The following CUEDC1 variants were observed in gnomAD, a reference collection of about 807,000 sequenced individuals.
The protein encoded by CUEDC1 is CUE domain-containing protein 1.
CUEDC1 carries 30 observed loss-of-function variants against 43.7 expected under a neutral mutation model. The ratio of observed to expected loss-of-function variants is 0.69; its 90% CI spans 0.51 to 0.93. CUEDC1 has a LOEUF of 0.93. Among genes scored for constraint, CUEDC1 ranks in the 40% least tolerant of loss-of-function variants. The probability of loss-of-function intolerance (pLI) is 0.00; values close to 1 mark genes in which losing one functional copy is unlikely to be tolerated. For missense variants in CUEDC1, 486 were observed against 549.0 expected, an observed-to-expected ratio of 0.89 and a Z score of 1.15; for synonymous variants, 223 against 223.6, an observed-to-expected ratio of 1.00 and a Z score of 0.02.
chr17:57,936,944 C>G (rs980118730), intron 1 of CUEDC1, among the ~76,000 whole-genome samples: 2 of 152,058 alleles, frequency 1.3e-5, no homozygotes, highest in Non-Finnish European at 2.9e-5. Context: ...CCTCAGCCTC[C>G]CAAGTAGCTG....
At chr17:57,943,680 C>T (rs1392953883) in intron 1 of CUEDC1, among the ~76,000 whole-genome samples, 1 of 152,120 alleles carries the variant, frequency 6.6e-6, no homozygotes, top group African/African-American at 2.4e-5. Flanking sequence ...CTTAAATCCA[C>T]ATACATGCAA....
chr17:57,866,147 G>A (rs1214114797), intron 10 of CUEDC1, among the ~76,000 whole-genome samples: 1 of 152,170 alleles, frequency 6.6e-6, no homozygotes, highest in Non-Finnish European at 1.5e-5. Flanking sequence ...CATCCTCTCA[G>A]TGTGCTACGT....
intron 1 of CUEDC1, among the ~76,000 whole-genome samples, chr17:57,896,364 A>G (rs1431859197): frequency 6.6e-6 from 1 of 152,166 alleles, no homozygotes; most frequent in Non-Finnish European, 1.5e-5. Context: ...CTCTCTCTAT[A>G]TAATGCTATT....
chr17:57,891,918 A>G (rs899164712), intron 1 of CUEDC1, among the ~76,000 whole-genome samples: 4 of 152,216 alleles, frequency 2.6e-5, no homozygotes, highest in African/African-American at 9.7e-5. Context: ...TGTCACTGAT[A>G]TCTTCTCCAC....
chr17:57,874,621 T>A (rs888631708), intron 3 of CUEDC1, among the ~76,000 whole-genome samples: 1 of 152,112 alleles, frequency 6.6e-6, no homozygotes, highest in African/African-American at 2.4e-5. Flanking sequence ...CACAGCTCCA[T>A]GGCAGCCTGC....
intron 3 of CUEDC1, among the ~76,000 whole-genome samples, chr17:57,878,398 C>G (rs904691836): frequency 1.6e-4 from 24 of 152,144 alleles, no homozygotes; most frequent in African/African-American, 4.6e-4. Context: ...ATGCTAGCTA[C>G]ACTTGTATGA....
chr17:57,939,999 A>T (rs922954546), intron 1 of CUEDC1, among the ~76,000 whole-genome samples: 1 of 151,200 alleles, frequency 6.6e-6, no homozygotes, highest in Non-Finnish European at 1.5e-5. Flanking sequence ...CAATTCCCCT[A>T]TGGCTTCAAA....
intron 9 of CUEDC1, chr17:57,866,793 T>C: frequency 2.0e-6 from 1 of 510,804 alleles, no homozygotes; most frequent in Non-Finnish European, 3.5e-6. Flanking sequence ...GGGCCTCAAA[T>C]TTCCTCATCT....
chr17:57,879,691 T>TG lies in CUEDC1; in HGVS notation c.383dup (p.Pro129ThrfsTer56), dbSNP rs1419505681. 1 of 1,601,434 alleles carries TG rather than the reference T, an allele frequency of 6.2e-7. No homozygotes were observed. The highest frequency in any genetic ancestry group is 1.7e-5 in the Admixed American group (1 of 57,704). On this transcript the variant is annotated frameshift_variant, in exon 3 of 11. Coordinates refer to ENST00000577830, the MANE Select transcript of CUEDC1 (RefSeq NM_001271875.2). LOFTEE classifies it high-confidence loss of function. ...GGTAGGCTGGCGGGGAGTACACAGG[T>TG]GGGGGCTCTTCATCCGAGCTATCAG...
chr17:57,931,034 A>G (rs1301251962), intron 1 of CUEDC1, among the ~76,000 whole-genome samples: 1 of 152,122 alleles, frequency 6.6e-6, no homozygotes, highest in African/African-American at 2.4e-5. Context: ...CCTGTCTGTA[A>G]TCCCAGCACT....
chr17:57,867,023 G>A (rs566473404), intron 9 of CUEDC1: 134 of 437,500 alleles, frequency 3.1e-4, no homozygotes, highest in Non-Finnish European at 5.2e-4. Flanking sequence ...GCTGCCCAGT[G>A]CTTGGTTCTC....
chr17:57,930,098 C>T lies in CUEDC1; in HGVS notation c.-316+25127G>A, dbSNP rs550188061. On this transcript the variant is annotated intron_variant, in intron 1 of 10. Coordinates refer to ENST00000577830, the MANE Select transcript of CUEDC1 (RefSeq NM_001271875.2). This position sits in a 1 kb window ranked among gnomAD's most constrained non-coding sequence, Gnocchi z 4.2. ...GATTACAGGCGTGAGCCACTGCGCC[C>T]GGCCACTTCTCAGACTTTAATGTGC... is the stretch of plus-strand genomic sequence containing the variant. Among the ~76,000 whole-genome samples, 2 of 152,324 alleles carry T rather than the reference C, an allele frequency of 1.3e-5. No individual in the cohort carries two copies. Among genetic ancestry groups the T allele is most frequent in the East Asian group, 3.9e-4 (2 of 5,180 alleles).
intron 1 of CUEDC1, among the ~76,000 whole-genome samples, chr17:57,902,109 G>A (rs1042000397): frequency 3.3e-5 from 5 of 151,980 alleles, no homozygotes; most frequent in Non-Finnish European, 7.4e-5. Context: ...AGGAGGCAGA[G>A]GTTGCAGGGA....
intron 2 of CUEDC1, among the ~76,000 whole-genome samples, chr17:57,884,427 A>G (rs1341132391): frequency 6.6e-6 from 1 of 151,632 alleles, no homozygotes; most frequent in Non-Finnish European, 1.5e-5. Context: ...CGAACTCCTG[A>G]ACTCATGATC....
At chr17:57,864,027 G>GAAAAA (rs1209728280) in intron 10 of CUEDC1, among the ~76,000 whole-genome samples, 2 of 147,494 alleles carry the variant, frequency 1.4e-5, no homozygotes, top group African/African-American at 2.5e-5. Flanking sequence ...AGAAAGAAAA[G>GAAAAA]AAAAAGAAAA....
rs546914458 is a variant in CUEDC1, at chr17:57,886,877, G to A, written c.-315-998C>T. The stretch of plus-strand genomic sequence containing the variant: ...TCTGTCACCCAGGCTGGAGTGCAGC[G>A]GCACGATCTCGGTTCACTGCAAACT... On this transcript the variant is annotated intron_variant, in intron 1 of 10. Coordinates refer to ENST00000577830, the MANE Select transcript of CUEDC1 (RefSeq NM_001271875.2). 1.1e-3 allele frequency among the ~76,000 whole-genome samples: 163 copies of A among 145,094 alleles called. 1 individual carries two copies. Among genetic ancestry groups the A allele is most frequent in the Non-Finnish European group, 2.0e-3 (132 of 67,000 alleles).
In CUEDC1 at chr17:57,906,829, G is replaced by A. The variant is rs534083990; in HGVS notation, c.-315-20950C>T. 8.4e-4 allele frequency among the ~76,000 whole-genome samples: 128 copies of A among 152,034 alleles called. 1 individual carries two copies. The highest frequency in any genetic ancestry group is 2.9e-3 in the African/African-American group (122 of 41,458). Reference sequence around the variant, plus strand: ...TCTACTAAAAATATAAAAATTAGTCGGGCGTGATGGCGGGCGCCTGTAATC... The same window carrying A: ...TCTACTAAAAATATAAAAATTAGTCAGGCGTGATGGCGGGCGCCTGTAATC... On this transcript the variant is annotated intron_variant, in intron 1 of 10. Transcript: ENST00000577830.
intron 1 of CUEDC1, among the ~76,000 whole-genome samples, chr17:57,911,561 G>T (rs2074583555): frequency 6.6e-6 from 1 of 152,136 alleles, no homozygotes; most frequent in Non-Finnish European, 1.5e-5. Flanking sequence ...GGAGTGCAGT[G>T]GTGCAATCTC....
rs2074969716 is a variant in CUEDC1, at chr17:57,947,478, C to T, written c.-316+7747G>A. Reference sequence around the variant, plus strand: ...TGAGACTGTTATACTACATGTTTTTCGTAAATTTGAAAAACGAAGCGTTTT... The same window carrying T: ...TGAGACTGTTATACTACATGTTTTTTGTAAATTTGAAAAACGAAGCGTTTT... On this transcript the variant is annotated intron_variant, in intron 1 of 10. Transcript: ENST00000577830. Among the ~76,000 whole-genome samples the T allele has an allele frequency of 2.0e-5, 3 of 152,108 alleles. 1 individual carries two copies. Among genetic ancestry groups the T allele is most frequent in the South Asian group, 4.1e-4 (2 of 4,828 alleles).
Sources: allele counts gnomAD v4.1 joint callset (sites outside exome capture counted in the v4.1 genomes callset), GRCh38; gene constraint gnomAD v4.1.1; non-coding constraint Gnocchi (gnomAD v3.1); transcripts MANE v1.5; gene names NCBI Gene and HGNC (gene_info 2026-07-23, HGNC 2026-07-21).